TTC21A: variants seen among roughly 807,000 people sequenced by gnomAD.
The protein encoded by TTC21A is tetratricopeptide repeat protein 21A.
A neutral mutation model predicts 156.4 loss-of-function variants in TTC21A; 128 were observed. The ratio of observed to expected loss-of-function variants is 0.82; its 90% CI spans 0.71 to 0.95. The LOEUF is 0.95. TTC21A is among the 40% of genes least tolerant of loss of function. The pLI is 0.00. For synonymous variants in TTC21A, 587 were observed against 617.1 expected, an observed-to-expected ratio of 0.95 and a Z score of 0.72; for missense variants, 1,435 against 1,602.3, an observed-to-expected ratio of 0.90 and a Z score of 1.78.
chr3:39,115,426 C>T (rs544954130), intron 6 of TTC21A, among the ~76,000 whole-genome samples: 20 of 152,138 alleles, frequency 1.3e-4, no homozygotes, highest in African/African-American at 4.3e-4. Flanking sequence ...TTTGGGAGGC[C>T]GAGGCAGGAG....
chr3:39,123,234 AG>A (rs1260023747), intron 9 of TTC21A, among the ~76,000 whole-genome samples: 2 of 152,250 alleles, frequency 1.3e-5, no homozygotes, highest in African/African-American at 4.8e-5. Context: ...TGGGCCTAAT[AG>A]TGGGATGGAT....
chr3:39,109,758 A>G (rs1465914602), intron 2 of TTC21A, among the ~76,000 whole-genome samples: 1 of 152,216 alleles, frequency 6.6e-6, no homozygotes, highest in Non-Finnish European at 1.5e-5. Context: ...TTCAGAACTG[A>G]CGCAGCTAAT....
rs2037732632 is a variant in TTC21A, at chr3:39,121,125, A to G, written c.1029A>G (p.Lys343=). The part of the protein sequence containing the change: ...GYLFILKNQV[K]EALLWYSEAM... ...TCTTCATCCTGAAGAACCAAGTGAAAGAGGCCTTGCTGTGGTATTCAGAAG... is the reference window on the plus strand; with the variant it reads ...TCTTCATCCTGAAGAACCAAGTGAAGGAGGCCTTGCTGTGGTATTCAGAAG... The change falls in exon 9 of 29, where the codon AAA becomes AAG. Residue 343 remains lysine, a synonymous_variant. Coordinates refer to ENST00000683103, the MANE Select transcript of TTC21A (RefSeq NM_001366900.1). The G allele has an allele frequency of 1.2e-6, 2 of 1,614,168 alleles. No individual in the cohort carries two copies. The highest frequency in any genetic ancestry group is 2.7e-5 in the African/African-American group (2 of 75,038).
rs1407904203 is a variant in TTC21A at position 39,136,911 on chromosome 3, G to A, written c.3108G>A (p.Gln1036=). 1.9e-6 allele frequency: 3 copies of A among 1,613,940 alleles called. No homozygotes were observed. Among genetic ancestry groups the A allele is most frequent in the Non-Finnish European group, 2.5e-6 (3 of 1,180,026 alleles). The change falls in exon 24 of 29, where the codon CAG becomes CAA. Residue 1036 remains glutamine (Q), a synonymous_variant. Coordinates refer to ENST00000683103, the MANE Select transcript of TTC21A (RefSeq NM_001366900.1). ...TTCTCCACCACAGGCACATAGGGCA[G>A]CCCAACGAAGCCTTAAAGTTCCTGA... ...CRGIYCWHIG[Q]PNEALKFLNK... is the part of the protein sequence containing the mutation.
Position 39,128,857 on chromosome 3 carries a change from G to A in TTC21A, c.1821G>A (p.Arg607=). 6.2e-7 allele frequency: 1 copy of A among 1,614,156 alleles called. No homozygotes were observed. Among genetic ancestry groups the A allele is most frequent in the Non-Finnish European group, 8.5e-7 (1 of 1,180,026 alleles). Residue 607 remains arginine, a synonymous_variant, in exon 14 of 29, where the codon AGG becomes AGA. Coordinates refer to ENST00000683103, the MANE Select transcript of TTC21A (RefSeq NM_001366900.1). Reference sequence around the variant, plus strand: ...AGGAAGAAGGCAGAAAGTTCCTCAGGCCCTCTGTGCAGCCTAGCCAGCGGG... The same window carrying A: ...AGGAAGAAGGCAGAAAGTTCCTCAGACCCTCTGTGCAGCCTAGCCAGCGGG... ...LKKEEGRKFL[R]PSVQPSQRAS...
In TTC21A at chr3:39,107,822, C is replaced by T. The variant is rs2036329560; in HGVS notation, c.-16C>T. 1.2e-6 allele frequency: 2 copies of T among 1,612,496 alleles called. No individual in the cohort carries two copies. The highest frequency in any genetic ancestry group is 1.7e-5 in the Admixed American group (1 of 60,000). Reference sequence around the variant, plus strand: ...CGCCCCACCAGACCCGGACTCGGAGCCGCGAGCGGCCCGAGATGAGCAGCA... The same window carrying T: ...CGCCCCACCAGACCCGGACTCGGAGTCGCGAGCGGCCCGAGATGAGCAGCA... On this transcript the variant is annotated 5_prime_UTR_variant, in exon 1 of 29. Transcript: ENST00000683103.
At chr3:39,112,665 C>A in intron 5 of TTC21A, 85 bp downstream of exon 5, 1 of 1,551,826 alleles carries the variant, frequency 6.4e-7, no homozygotes, top group East Asian at 2.3e-5. Context: ...CAGGCCAAAC[C>A]CTCGTAGTCT....
chr3:39,121,225 T>G, intron 9 of TTC21A, 36 bp downstream of exon 9: 1 of 1,577,580 alleles, frequency 6.3e-7, no homozygotes, highest in Non-Finnish European at 8.6e-7. Flanking sequence ...GGGATGGGTG[T>G]CGGGAGCCAA....
intron 15 of TTC21A, among the ~76,000 whole-genome samples, chr3:39,129,749 G>A (rs2038580622): frequency 6.6e-6 from 1 of 152,222 alleles, no homozygotes; most frequent in Non-Finnish European, 1.5e-5. Flanking sequence ...CCAGCAGTGG[G>A]AAACCAGTGA....
intron 9 of TTC21A, among the ~76,000 whole-genome samples, chr3:39,124,036 T>G (rs2125812219): frequency 6.6e-6 from 1 of 152,300 alleles, no homozygotes; most frequent in East Asian, 1.9e-4. Context: ...AGAAAGGATA[T>G]TTTAAATTCT....
At chr3:39,136,637 G>T in intron 23 of TTC21A, 130 bp downstream of exon 23, 1 of 1,204,760 alleles carries the variant, frequency 8.3e-7, no homozygotes. Flanking sequence ...AGCAAGTGAG[G>T]GCCCATGGGG....
intron 11 of TTC21A, 50 bp downstream of exon 11, chr3:39,125,582 A>G: frequency 3.7e-6 from 5 of 1,359,640 alleles, no homozygotes; most frequent in Non-Finnish European, 3.2e-6. Flanking sequence ...ACAGGTTTGG[A>G]TGGTGCCCAC....
intron 2 of TTC21A, 64 bp from the exon 3 acceptor site, chr3:39,109,965 T>G: frequency 8.1e-7 from 1 of 1,238,944 alleles, no homozygotes; most frequent in East Asian, 2.3e-5. Flanking sequence ...TTGGGTCAGC[T>G]ACAGAGTCTC....
rs1298810849 is a variant in TTC21A at position 39,125,173 on chromosome 3, TG to T, written c.1191+18del. The T allele has an allele frequency of 2.5e-6, 4 of 1,598,312 alleles. No individual in the cohort carries two copies. The highest frequency in any genetic ancestry group is 2.6e-6 in the Non-Finnish European group (3 of 1,166,506). On this transcript the variant is annotated intron_variant, in intron 10 of 28. Coordinates refer to ENST00000683103, the MANE Select transcript of TTC21A (RefSeq NM_001366900.1). ...TGGGAAGTCTGAGGTCAGAGCTCCC[TG>T]GGGGTATGGGTTGCTCCAGGATGAT... is the stretch of plus-strand genomic sequence containing the variant.
Position 39,137,003 on chromosome 3 carries a change from A to G in TTC21A, c.3200A>G (p.Asn1067Ser), listed in dbSNP as rs373571823. 6.2e-7 allele frequency: 1 copy of G among 1,613,932 alleles called. No individual in the cohort carries two copies. Among genetic ancestry groups the G allele is most frequent in the Admixed American group, 1.7e-5 (1 of 60,010 alleles). ...AIYHMVQICL[N>S]PDNEVVGGEA... ...TACCACATGGTGCAGATCTGTCTGAATCCAGACAACGAGGTTGTGGGCGGA... is the reference window on the plus strand; with the variant it reads ...TACCACATGGTGCAGATCTGTCTGAGTCCAGACAACGAGGTTGTGGGCGGA... The change falls in exon 24 of 29, where the codon AAT becomes AGT. Residue 1067 changes from asparagine (N) to serine (S), a missense_variant. Transcript: ENST00000683103.
intron 12 of TTC21A, 128 bp downstream of exon 12, chr3:39,126,518 ACACTCT>A (rs2038268776): frequency 3.7e-5 from 34 of 908,422 alleles, no homozygotes; most frequent in Non-Finnish European, 5.3e-5. Flanking sequence ...ACACACACAC[ACACTCT>A]CCTTGCCTGG....
In TTC21A at chr3:39,134,243, A is replaced by G. The variant is rs1168143259; in HGVS notation, c.2777A>G (p.Tyr926Cys). The change falls in exon 21 of 29, where the codon TAC becomes TGC. Residue 926 changes from tyrosine to cysteine, a missense_variant. By Grantham distance (194) the Tyr-to-Cys change is radical. Coordinates refer to ENST00000683103, the MANE Select transcript of TTC21A (RefSeq NM_001366900.1). The surrounding 1 kb of genome is among the most constrained non-coding windows in gnomAD (Gnocchi z 4.6). ...NKVMLELAQL[Y>C]LLQGHLDLCE... ...GTGATGCTGGAGCTGGCGCAGCTCT[A>G]CCTGCTCCAGGGGCACCTGGACCTG... 7 of 1,613,692 alleles carry G rather than the reference A, an allele frequency of 4.3e-6. No homozygotes were observed. In the South Asian group the frequency reaches 7.7e-5, roughly 18 times the overall value.
At chr3:39,126,690 T>C (rs1292159883) in intron 12 of TTC21A, among the ~76,000 whole-genome samples, 2 of 151,838 alleles carry the variant, frequency 1.3e-5, no homozygotes, top group African/African-American at 4.8e-5. Context: ...CACATGATCC[T>C]ACAGGCCTGC....
intron 12 of TTC21A, among the ~76,000 whole-genome samples, chr3:39,126,706 C>T (rs180671081): frequency 6.6e-6 from 1 of 152,152 alleles, no homozygotes; most frequent in South Asian, 2.1e-4. Context: ...CCTGCCCACT[C>T]CCAGCCTCCA....
Sources: gnomAD v4.1 joint callset for allele counts (sites outside exome capture counted in the v4.1 genomes callset) on GRCh38, gnomAD v4.1.1 for gene constraint, Gnocchi (gnomAD v3.1) non-coding constraint, MANE v1.5 for transcripts, NCBI Gene and HGNC (gene_info 2026-07-23, HGNC 2026-07-21) for gene names.